The following FGD4 variants were observed in gnomAD, a reference collection of about 807,000 sequenced individuals.
FGD4 encodes the protein FYVE, RhoGEF and PH domain-containing protein 4.
In FGD4, 42 loss-of-function variants were observed where a neutral mutation model predicts 102.0. The ratio of observed to expected loss-of-function variants is 0.41; its 90% confidence interval spans 0.32 to 0.53. The LOEUF (loss-of-function observed/expected upper bound fraction) is 0.53, where lower values mean the gene tolerates loss of function less well. Ranked by LOEUF, FGD4 falls within the 20% of genes least tolerant of loss-of-function variation. FGD4 has a pLI of 0.21. For synonymous variants in FGD4, 380 were observed against 375.7 expected (o/e 1.01, Z -0.13); for missense variants, 902 against 1,078.2 (o/e 0.84, Z 2.29).
At chr12:32,636,011 C>CTAATAATAA (rs147444731) in intron 15 of FGD4, among the ~76,000 whole-genome samples, 208 of 146,814 alleles carry the variant, frequency 1.4e-3, no homozygotes, top group African/African-American at 4.1e-3. Context: ...GACTCTGTCT[C>CTAATAATAA]TAATAATAAT....
chr12:32,572,635 C>A (rs562334844), intron 2 of FGD4, among the ~76,000 whole-genome samples: 22 of 152,212 alleles, frequency 1.4e-4, no homozygotes, highest in African/African-American at 5.3e-4. Flanking sequence ...TAATCTTTTC[C>A]CTTCTTACAT....
intron 1 of FGD4, among the ~76,000 whole-genome samples, chr12:32,560,211 T>C (rs752905848): frequency 6.6e-6 from 1 of 152,344 alleles, no homozygotes; most frequent in Non-Finnish European, 1.5e-5. Context: ...TAGATAAGCT[T>C]ACACATGTAA....
At chr12:32,418,102 G>A (rs995744184) in intron 1 of FGD4, among the ~76,000 whole-genome samples, 33 of 151,732 alleles carry the variant, frequency 2.2e-4, no homozygotes, top group African/African-American at 6.5e-4. Context: ...GACTACAGGC[G>A]CCCGCCACCA....
At chr12:32,536,421 T>A (rs948524183) in intron 1 of FGD4, among the ~76,000 whole-genome samples, 5 of 152,232 alleles carry the variant, frequency 3.3e-5, no homozygotes, top group Admixed American at 3.3e-4. Context: ...AAAGGTATTT[T>A]CTTAGATGTT....
intron 1 of FGD4, among the ~76,000 whole-genome samples, chr12:32,495,365 G>C (rs1937732351): frequency 2.0e-5 from 3 of 152,210 alleles, no homozygotes; most frequent in Admixed American, 6.5e-5. Flanking sequence ...TCTTAGAAAA[G>C]AACCCAGGGC....
chr12:32,535,609 A>T (rs751084980), intron 1 of FGD4, among the ~76,000 whole-genome samples: 23 of 151,014 alleles, frequency 1.5e-4, no homozygotes, highest in Non-Finnish European at 3.4e-4. Flanking sequence ...GATCTCTCCA[A>T]AATTTACCAT....
In FGD4 at chr12:32,602,316, A is replaced by G; in HGVS notation, c.1403A>G (p.Gln468Arg). 3 of 1,614,048 alleles carry G rather than the reference A, an allele frequency of 1.9e-6. No homozygotes were observed. Among genetic ancestry groups the G allele is most frequent in the Non-Finnish European group, 2.5e-6 (3 of 1,179,952 alleles). ...PQFKSVVEEIQKQKICGSLTL... is the reference protein window; with the variant it reads ...PQFKSVVEEIRKQKICGSLTL... ...TTCAAATCAGTGGTTGAAGAAATTC[A>G]GGTAATAGGACTGTTTTGTTCAAAG... Residue 468 changes from glutamine to arginine, a missense_variant and splice_region_variant, in exon 7 of 17, where the codon CAG becomes CGG. Around this residue, in one of 2 missense-constraint regions of FGD4, gnomAD observed 459 missense variants for 619.0 expected, o/e 0.74. Coordinates refer to ENST00000534526, the MANE Select transcript of FGD4 (RefSeq NM_001370298.3).
At chr12:32,611,482 C>G (rs1949130548) in intron 10 of FGD4, among the ~76,000 whole-genome samples, 199 bp downstream of exon 10, 1 of 151,988 alleles carries the variant, frequency 6.6e-6, no homozygotes, top group African/African-American at 2.4e-5. Context: ...CCCAACTACT[C>G]AAGAGGATGA....
chr12:32,634,149 G>A (rs2137029828), intron 15 of FGD4, among the ~76,000 whole-genome samples: 1 of 152,138 alleles, frequency 6.6e-6, no homozygotes, highest in East Asian at 1.9e-4. Context: ...GAAAAGGGGG[G>A]CTGCTGGTTA....
chr12:32,453,020 A>T (rs1011926917), intron 1 of FGD4, among the ~76,000 whole-genome samples: 2 of 151,706 alleles, frequency 1.3e-5, no homozygotes, highest in Non-Finnish European at 2.9e-5. Context: ...ACACAATTTT[A>T]TTGAACTTTC....
At chr12:32,452,438 A>G (rs1209778716) in intron 1 of FGD4, among the ~76,000 whole-genome samples, 1 of 152,232 alleles carries the variant, frequency 6.6e-6, no homozygotes, top group East Asian at 1.9e-4. Flanking sequence ...TTGATAGACA[A>G]TATTTAAATA....
intron 1 of FGD4, among the ~76,000 whole-genome samples, chr12:32,536,904 T>C (rs1221427386): frequency 6.6e-6 from 1 of 152,000 alleles, no homozygotes; most frequent in Non-Finnish European, 1.5e-5. Context: ...AAAGCAGTTA[T>C]TTCTTTTTTT....
At chr12:32,465,345 C>T (rs889221025) in intron 1 of FGD4, among the ~76,000 whole-genome samples, 1 of 151,994 alleles carries the variant, frequency 6.6e-6, no homozygotes, top group Non-Finnish European at 1.5e-5. Flanking sequence ...CCTTTAACAG[C>T]CACCACCCTC....
intron 1 of FGD4, among the ~76,000 whole-genome samples, chr12:32,419,735 C>G (rs146958334): frequency 1.3e-5 from 2 of 152,334 alleles, no homozygotes; most frequent in Non-Finnish European, 1.5e-5. Context: ...TGTGGGAACT[C>G]AAGCTCTGAC....
At chr12:32,517,605 T>C (rs1363737062) in intron 1 of FGD4, among the ~76,000 whole-genome samples, 1 of 152,146 alleles carries the variant, frequency 6.6e-6, no homozygotes, top group Non-Finnish European at 1.5e-5. Context: ...ATATGATTAG[T>C]CTTAGGGCCA....
At position 32,602,274 on chromosome 12, in the gene FGD4, CAG is replaced by C. The variant is rs771606350; in HGVS notation, c.1363_1364del (p.Glu455ThrfsTer10). The stretch of plus-strand genomic sequence containing the variant: ...GCAATGGAATTGGTTAAAAACATGA[CAG>C]AACGTATTCCCCAGTTCAAATCAGT... On this transcript the variant is annotated frameshift_variant, in exon 7 of 17. Transcript: ENST00000534526. LOFTEE classifies it high-confidence loss of function. 1 of 1,614,130 alleles carries C rather than the reference CAG, an allele frequency of 6.2e-7. No homozygotes were observed. The highest frequency in any genetic ancestry group is 1.7e-5 in the Admixed American group (1 of 60,020).
At chr12:32,573,118 G>A (rs917526430) in intron 2 of FGD4, among the ~76,000 whole-genome samples, 1 of 151,660 alleles carries the variant, frequency 6.6e-6, no homozygotes, top group African/African-American at 2.4e-5. Flanking sequence ...TTTTTGAGAC[G>A]GGAGTTTCAC....
chr12:32,637,178 C>T (rs558612932), intron 15 of FGD4, among the ~76,000 whole-genome samples: 249 of 151,026 alleles, frequency 1.6e-3, no homozygotes, highest in African/African-American at 5.7e-3. Flanking sequence ...TGTGAGCCAC[C>T]GCACCCAGCC....
chr12:32,414,448 ACT>A (rs1287660303), intron 1 of FGD4, among the ~76,000 whole-genome samples: 3 of 151,984 alleles, frequency 2.0e-5, no homozygotes, highest in Admixed American at 2.0e-4. Context: ...ATCCAATTAC[ACT>A]CTTTTAGTTA....
Sources: gnomAD v4.1 joint callset for allele counts (sites outside exome capture counted in the v4.1 genomes callset) on GRCh38, gnomAD v4.1.1 for gene constraint, gnomAD v4.1.1 regional missense constraint, MANE v1.5 for transcripts, NCBI Gene and HGNC (gene_info 2026-07-23, HGNC 2026-07-21) for gene names.